The following ANP32B variants were observed in gnomAD, a reference collection of about 807,000 sequenced individuals.
The protein encoded by ANP32B is acidic leucine-rich nuclear phosphoprotein 32 family member B.
Under a neutral mutation model 32.2 loss-of-function variants are expected in ANP32B, and 6 were observed. The ratio of observed to expected loss-of-function variants is 0.19; its 90% CI spans 0.10 to 0.37. The LOEUF is 0.37. ANP32B is among the 10% of genes least tolerant of loss of function. The pLI, the probability that ANP32B is intolerant of heterozygous loss-of-function variation, is 1.00. For synonymous variants in ANP32B, 98 were observed against 105.8 expected (o/e 0.93, Z 0.45); for missense variants, 204 against 289.2 (o/e 0.71, Z 2.14).
At chr9:98,003,302 G>A (rs1402941014) in intron 3 of ANP32B, among the ~76,000 whole-genome samples, 1 of 152,134 alleles carries the variant, frequency 6.6e-6, no homozygotes, top group Admixed American at 6.6e-5. Context: ...AACAAGTGTG[G>A]GAGCCTCTTT....
intron 2 of ANP32B, among the ~76,000 whole-genome samples, chr9:97,997,617 C>A (rs762857397): frequency 2.0e-5 from 3 of 152,294 alleles, no homozygotes; most frequent in Non-Finnish European, 4.4e-5. Context: ...CCATAGAGTT[C>A]TTGTGAGATC....
intron 3 of ANP32B, among the ~76,000 whole-genome samples, chr9:98,003,600 A>G (rs1195796998): frequency 6.6e-6 from 1 of 152,194 alleles, no homozygotes; most frequent in Non-Finnish European, 1.5e-5. Context: ...ACCATTTTAT[A>G]TCTCCTCAGA....
At chr9:98,011,520 T>G in intron 5 of ANP32B, 131 bp downstream of exon 5, 3 of 1,310,422 alleles carry the variant, frequency 2.3e-6, no homozygotes, top group Non-Finnish European at 3.1e-6. Context: ...ACATTTACAA[T>G]ATGAATCTGG....
intron 3 of ANP32B, among the ~76,000 whole-genome samples, chr9:98,002,632 CA>C (rs1828012534): frequency 6.6e-6 from 1 of 152,062 alleles, no homozygotes; most frequent in African/African-American, 2.4e-5. Context: ...TTCTTGCTTT[CA>C]TTTCATTTTT....
chr9:97,985,218 T>A (rs1038759706), intron 1 of ANP32B, among the ~76,000 whole-genome samples: 1 of 152,060 alleles, frequency 6.6e-6, no homozygotes, highest in Non-Finnish European at 1.5e-5. Flanking sequence ...CTCAGGTGGC[T>A]GTGGTTAACA....
chr9:97,984,647 C>T (rs1827673780), intron 1 of ANP32B: 1 of 150,884 alleles, frequency 6.6e-6, no homozygotes, highest in Admixed American at 6.6e-5. Context: ...TGCCCGCCCG[C>T]CCTCGGCGCT....
At chr9:97,989,776 T>A (rs958233112) in intron 1 of ANP32B, among the ~76,000 whole-genome samples, 1 of 152,112 alleles carries the variant, frequency 6.6e-6, no homozygotes, top group Non-Finnish European at 1.5e-5. Flanking sequence ...CAGGAAGGAA[T>A]GAAAAGAGAT....
chr9:98,005,044 C>A lies in ANP32B; in HGVS notation c.408C>A (p.Phe136Leu). 3.7e-6 allele frequency: 6 copies of A among 1,614,016 alleles called. No homozygotes were observed. Among genetic ancestry groups the A allele is most frequent in the Non-Finnish European group, 5.1e-6 (6 of 1,179,994 alleles). The stretch of plus-strand genomic sequence containing the variant: ...TGAATGACTACCGAGAGAGTGTCTT[C>A]AAGCTCCTGCCCCAGCTTACCTACT... ...TNLNDYRESV[F>L]KLLPQLTYLD... The change falls in exon 4 of 7, where the codon TTC becomes TTA. Residue 136 changes from phenylalanine (F) to leucine (L), a missense_variant. Physicochemically the swap from Phe to Leu is conservative, Grantham distance 22. Transcript: ENST00000339399.
At chr9:98,004,041 TA>T (rs1000650115) in intron 3 of ANP32B, among the ~76,000 whole-genome samples, 3 of 152,220 alleles carry the variant, frequency 2.0e-5, no homozygotes, top group South Asian at 2.1e-4. Context: ...CTCAATCTCT[TA>T]ATTTACCCTT....
chr9:97,995,301 G>A (rs1587873693), intron 2 of ANP32B, among the ~76,000 whole-genome samples: 1 of 152,130 alleles, frequency 6.6e-6, no homozygotes, highest in East Asian at 1.9e-4. Flanking sequence ...GTAGTAATTT[G>A]CCTAAAGCCA....
intron 1 of ANP32B, among the ~76,000 whole-genome samples, chr9:97,987,282 G>T (rs1827752873): frequency 6.6e-6 from 1 of 152,196 alleles, no homozygotes; most frequent in Admixed American, 6.5e-5. Context: ...TCTTCATGAA[G>T]AATGGTGGTT....
In ANP32B at chr9:98,005,089, G is replaced by C; in HGVS notation, c.453G>C (p.Glu151Asp). The change falls in exon 4 of 7, where the codon GAG becomes GAC. Residue 151 changes from glutamate to aspartate, a missense_variant. By Grantham distance (45) the Glu-to-Asp change is conservative (BLOSUM62 2). Coordinates refer to ENST00000339399, the MANE Select transcript of ANP32B (RefSeq NM_006401.3). ...CCTACTTGGATGGCTATGACCGAGA[G>C]GACCAGGAAGCACCTGACTCAGATG... The part of the protein sequence containing the change: ...QLTYLDGYDR[E>D]DQEAPDSDAE... The C allele has an allele frequency of 6.2e-7, 1 of 1,614,034 alleles. No homozygotes were observed. The highest frequency in any genetic ancestry group is 8.5e-7 in the Non-Finnish European group (1 of 1,179,996).
intron 1 of ANP32B, chr9:97,986,475 A>G (rs2131579629): frequency 1.3e-5 from 2 of 152,374 alleles, no homozygotes; most frequent in East Asian, 1.9e-4. Context: ...AGTTGGGCGA[A>G]TAAAACTTTG....
chr9:98,015,723 C>T lies in ANP32B; in HGVS notation c.*292C>T, dbSNP rs113437897. 12,154 of 1,045,702 alleles carry T rather than the reference C, an allele frequency of 0.012. 69 individuals carry two copies. The highest frequency in any genetic ancestry group is 0.013 in the Non-Finnish European group (11,128 of 867,854). The allele number at this position is 1,045,702 out of a possible 1,614,324, so 64.8% of individuals were successfully genotyped here. On this transcript the variant is annotated 3_prime_UTR_variant, in exon 7 of 7. Coordinates refer to ENST00000339399, the MANE Select transcript of ANP32B (RefSeq NM_006401.3). ...GGATAGCTGTGATTGGTGAGTCAAC[C>T]GTCTGTGGCTACCAGTTACACTGAG...
intron 4 of ANP32B, among the ~76,000 whole-genome samples, chr9:98,009,453 C>G (rs1383266593): frequency 1.3e-5 from 2 of 152,160 alleles, no homozygotes; most frequent in Non-Finnish European, 2.9e-5. Flanking sequence ...TCCACAGATG[C>G]AGGGAAGGGG....
chr9:97,998,222 T>G (rs1218324830), intron 2 of ANP32B, among the ~76,000 whole-genome samples: 2 of 152,228 alleles, frequency 1.3e-5, no homozygotes, highest in African/African-American at 4.8e-5. Flanking sequence ...CCATTTACCC[T>G]TTCTGGCAGG....
intron 1 of ANP32B, 69 bp downstream of exon 1, chr9:97,983,678 C>A (rs1369138864): frequency 3.8e-6 from 5 of 1,332,290 alleles, no homozygotes; most frequent in Non-Finnish European, 5.1e-6. Context: ...ACCTGCGGGG[C>A]CCGGGCTGAG....
intron 2 of ANP32B, 32 bp from the exon 3 acceptor site, chr9:97,998,524 T>A (rs1465154933): frequency 6.3e-7 from 1 of 1,587,068 alleles, no homozygotes; most frequent in East Asian, 2.3e-5. Flanking sequence ...TGTGTGTATT[T>A]GTGTTTGTGT....
At chr9:97,998,045 T>C (rs757504031) in intron 2 of ANP32B, among the ~76,000 whole-genome samples, 9 of 152,246 alleles carry the variant, frequency 5.9e-5, no homozygotes, top group Non-Finnish European at 1.3e-4. Flanking sequence ...GGCTTACTTG[T>C]AGGGCCCGTT....
Sources: allele counts gnomAD v4.1 joint callset (sites outside exome capture counted in the v4.1 genomes callset), GRCh38; gene constraint gnomAD v4.1.1; transcripts MANE v1.5; gene names NCBI Gene and HGNC (gene_info 2026-07-23, HGNC 2026-07-21).